The following CYP3A4 variants were observed in gnomAD, a reference collection of about 807,000 sequenced individuals.
CYP3A4 encodes the protein cytochrome P450 3A4.
In CYP3A4, 41 loss-of-function variants were observed where a neutral mutation model predicts 54.9. That is an observed-to-expected ratio of 0.75 (90% CI 0.58 to 0.97). The LOEUF (loss-of-function observed/expected upper bound fraction) is 0.97. Among genes scored for constraint, CYP3A4 ranks in the 50% least tolerant of loss-of-function variants. The pLI is 0.00. For missense variants in CYP3A4, 510 were observed against 597.3 expected (o/e 0.85, Z 1.52); for synonymous variants, 179 against 205.2 (o/e 0.87, Z 1.09).
At chr7:99,765,043 G>T (rs1193375299) in intron 9 of CYP3A4, among the ~76,000 whole-genome samples, 1 of 152,024 alleles carries the variant, frequency 6.6e-6, no homozygotes, top group African/African-American at 2.4e-5. Flanking sequence ...GAGAAAGGTC[G>T]ACAGAGCTGT....
intron 1 of CYP3A4, among the ~76,000 whole-genome samples, chr7:99,781,862 C>G (rs538420367): frequency 6.6e-6 from 1 of 152,214 alleles, no homozygotes; most frequent in East Asian, 1.9e-4. Flanking sequence ...CTTGTTTTCT[C>G]TTCTTTAAAG....
intron 12 of CYP3A4, among the ~76,000 whole-genome samples, chr7:99,759,041 G>A (rs995003318): frequency 1.3e-5 from 2 of 152,168 alleles, no homozygotes; most frequent in Non-Finnish European, 1.5e-5. Context: ...AGCTTACCAA[G>A]GAGTACCTTC....
chr7:99,762,031 G>C lies in CYP3A4; in HGVS notation c.1253+10C>G. 1 of 1,613,600 alleles carries C rather than the reference G, an allele frequency of 6.2e-7. No homozygotes were observed. The highest frequency in any genetic ancestry group is 1.1e-5 in the South Asian group (1 of 91,056). On this transcript the variant is annotated intron_variant, in intron 11 of 12. Transcript: ENST00000651514. ...GTTCAGGGAGGGCTCCCTTCCCAGGGGCCTTGTACCTTTCAGGGAGGAACT... is the reference window on the plus strand; with the variant it reads ...GTTCAGGGAGGGCTCCCTTCCCAGGCGCCTTGTACCTTTCAGGGAGGAACT...
intron 5 of CYP3A4, 117 bp from the exon 6 acceptor site, chr7:99,769,973 G>A: frequency 6.4e-7 from 1 of 1,571,728 alleles, no homozygotes; most frequent in Non-Finnish European, 8.7e-7. Context: ...TTTGTGATGT[G>A]TTTTCTGTAC....
chr7:99,770,429 G>A (rs988779778), intron 4 of CYP3A4, among the ~76,000 whole-genome samples, 194 bp from the exon 5 acceptor site: 23 of 151,996 alleles, frequency 1.5e-4, no homozygotes, highest in Non-Finnish European at 2.2e-4. Context: ...TGTGTGGGGC[G>A]GGGCGGGGGG....
chr7:99,768,225 T>A, intron 7 of CYP3A4, 129 bp downstream of exon 7: 1 of 1,096,766 alleles, frequency 9.1e-7, no homozygotes, highest in South Asian at 1.6e-5. Flanking sequence ...GTCACACATA[T>A]CTTCAAATGT....
At chr7:99,771,659 T>C (rs1463892441) in intron 4 of CYP3A4, among the ~76,000 whole-genome samples, 1 of 152,042 alleles carries the variant, frequency 6.6e-6, no homozygotes, top group Non-Finnish European at 1.5e-5. Flanking sequence ...TTAAAACAAA[T>C]CTGAAAAAAT....
At chr7:99,776,927 C>T (rs1407315807) in intron 3 of CYP3A4, among the ~76,000 whole-genome samples, 3 of 152,156 alleles carry the variant, frequency 2.0e-5, no homozygotes, top group Non-Finnish European at 2.9e-5. Flanking sequence ...TCTTCAAATT[C>T]AGCAGGAAGG....
chr7:99,760,326 A>G (rs868669199), intron 12 of CYP3A4, among the ~76,000 whole-genome samples: 4 of 152,322 alleles, frequency 2.6e-5, no homozygotes, highest in African/African-American at 9.6e-5. Context: ...TTTTAAAGCC[A>G]CACTCTGGGC....
chr7:99,771,887 CA>C (rs1388945524), intron 4 of CYP3A4, among the ~76,000 whole-genome samples: 1 of 151,470 alleles, frequency 6.6e-6, no homozygotes, highest in Non-Finnish European at 1.5e-5. Flanking sequence ...CCATAAGCCA[CA>C]AAAAAAATGA....
rs567630881 is a variant in CYP3A4 at position 99,758,576 on chromosome 7, G to T, written c.1417-348C>A. On this transcript the variant is annotated intron_variant, in intron 12 of 12. Coordinates refer to ENST00000651514, the MANE Select transcript of CYP3A4 (RefSeq NM_017460.6). ...TTCATGGAAACCTGTGTTCTTTTTT[G>T]ATTTAAATTTTAAGTAAAATGGATG... 2.2e-4 allele frequency among the ~76,000 whole-genome samples: 34 copies of T among 152,118 alleles called. 1 individual carries two copies. Among genetic ancestry groups the T allele is most frequent in the Admixed American group, 2.0e-3 (30 of 15,284 alleles).
At chr7:99,770,331 T>C (rs1393586762) in intron 4 of CYP3A4, 96 bp from the exon 5 acceptor site, 2 of 1,182,792 alleles carry the variant, frequency 1.7e-6, no homozygotes, top group Non-Finnish European at 2.5e-6. Flanking sequence ...ATTCAACAAC[T>C]ATTTAGTGAC....
chr7:99,761,533 A>G (rs958009917), intron 11 of CYP3A4, among the ~76,000 whole-genome samples: 10 of 151,388 alleles, frequency 6.6e-5, no homozygotes, highest in Admixed American at 2.6e-4. Flanking sequence ...CCACACCTCC[A>G]TAGAATAGTT....
Position 99,783,943 on chromosome 7 carries a change from G to T in CYP3A4, c.71+68C>A, listed in dbSNP as rs1031201794. 1.1e-5 allele frequency: 17 copies of T among 1,514,028 alleles called. No individual in the cohort carries two copies. In the African/African-American group the frequency reaches 2.1e-4, roughly 18 times the overall value. The allele number at this position is 1,514,028 out of a possible 1,614,324, so 93.8% of individuals were successfully genotyped here. A position where few individuals can be genotyped will look rare whatever the true frequency, so the allele number is the denominator to read the frequency against. On this transcript the variant is annotated intron_variant, in intron 1 of 12. Transcript: ENST00000651514. Reference sequence around the variant, plus strand: ...TTTTTGATCTTCAAAACAGATAAGGGAAAGAGAGGCCTGATTAGCACCCCA... The same window carrying T: ...TTTTTGATCTTCAAAACAGATAAGGTAAAGAGAGGCCTGATTAGCACCCCA...
At chr7:99,760,508 T>A (rs1276018369) in intron 12 of CYP3A4, among the ~76,000 whole-genome samples, 1 of 152,188 alleles carries the variant, frequency 6.6e-6, no homozygotes, top group Admixed American at 6.5e-5. Flanking sequence ...TTACACTTCA[T>A]GACTGTGCAA....
At chr7:99,779,938 T>G in intron 2 of CYP3A4, 54 bp downstream of exon 2, 1 of 1,530,748 alleles carries the variant, frequency 6.5e-7, no homozygotes, top group Non-Finnish European at 9.0e-7. Context: ...CTGATGGAAC[T>G]AAGCTGCTCT....
intron 2 of CYP3A4, 81 bp downstream of exon 2, chr7:99,779,911 G>A (rs1207748165): frequency 7.5e-7 from 1 of 1,333,488 alleles, no homozygotes; most frequent in South Asian, 1.2e-5. Flanking sequence ...CCTTCCCCCT[G>A]AGGAGAAGCA....
intron 11 of CYP3A4, among the ~76,000 whole-genome samples, chr7:99,761,430 CTT>C (rs1048436167): frequency 5.3e-5 from 8 of 152,218 alleles, no homozygotes; most frequent in African/African-American, 9.6e-5. Flanking sequence ...CATCTCCTCT[CTT>C]GTTTTTCTAA....
In CYP3A4 at chr7:99,763,960, A is replaced by G. The variant is rs71581997; in HGVS notation, c.921T>C (p.Tyr307=). The G allele has an allele frequency of 5.1e-5, 83 of 1,613,870 alleles. No individual in the cohort carries two copies. The highest frequency in any genetic ancestry group is 6.8e-5 in the Non-Finnish European group (80 of 1,179,928). The change falls in exon 10 of 13, where the codon TAT becomes TAC. Residue 307 remains tyrosine (Y), a synonymous_variant. Transcript: ENST00000651514. ...AQSIIFIFAG[Y]ETTSSVLSFI... is the part of the protein sequence containing the mutation. ...AGGAGAGAACACTGCTCGTGGTTTC[A>G]TAGCCAGCAAAAATAAAGATAATTG...
Sources: gnomAD v4.1 joint callset for allele counts (sites outside exome capture counted in the v4.1 genomes callset) on GRCh38, gnomAD v4.1.1 for gene constraint, MANE v1.5 for transcripts, NCBI Gene and HGNC (gene_info 2026-07-23, HGNC 2026-07-21) for gene names.